The following ACACA variants were observed in gnomAD, a reference collection of about 807,000 sequenced individuals.
The protein encoded by ACACA is acetyl-CoA carboxylase alpha.
Under a neutral mutation model 296.1 loss-of-function variants are expected in ACACA, and 103 were observed. The observed-to-expected ratio is 0.35, with a 90% CI of 0.30 to 0.41. The LOEUF (loss-of-function observed/expected upper bound fraction) is 0.41. Ranked by LOEUF, ACACA falls within the 10% of genes least tolerant of loss-of-function variation. The pLI is 1.00. For synonymous variants in ACACA, 953 were observed against 1,038.6 expected, an observed-to-expected ratio of 0.92 and a Z score of 1.58; for missense variants, 1,554 against 2,989.7, an observed-to-expected ratio of 0.52 and a Z score of 11.20.
chr17:37,122,799 T>TA (rs2074592313), intron 48 of ACACA, 172 bp from the exon 49 acceptor site: 2 of 697,284 alleles, frequency 2.9e-6, no homozygotes, highest in African/African-American at 3.5e-5. Context: ...ATTTGATATT[T>TA]ACTCTCTAAA....
chr17:37,244,030 C>T (rs767572495), intron 21 of ACACA, among the ~76,000 whole-genome samples: 10 of 152,020 alleles, frequency 6.6e-5, no homozygotes, highest in Non-Finnish European at 1.0e-4. Flanking sequence ...GAAATTGCAA[C>T]GTAAGCATCT....
rs149967550 is a variant in ACACA at position 37,097,957 on chromosome 17, C to T, written c.6593G>A (p.Arg2198Gln). ...LGTPELSTAE[R>Q]KELENKLKER... ...CTTCAACTTGTTCTCCAACTCCTTCCGCTCAGCTGTGCTTAGCTCTGGGGT... is the reference window on the plus strand; with the variant it reads ...CTTCAACTTGTTCTCCAACTCCTTCTGCTCAGCTGTGCTTAGCTCTGGGGT... Residue 2198 changes from arginine (R) to glutamine (Q), a missense_variant, in exon 53 of 56, where the codon CGG (arginine) becomes CAG (glutamine). Transcript: ENST00000616317. The surrounding 1 kb of genome is among the most constrained non-coding windows in gnomAD (Gnocchi z 4.8). The T allele has an allele frequency of 1.3e-4, 206 of 1,614,070 alleles. No homozygotes were observed. Among genetic ancestry groups the T allele is most frequent in the Non-Finnish European group, 1.4e-4 (168 of 1,180,044 alleles).
rs568230953 is a variant in ACACA at position 37,363,830 on chromosome 17, AC to A, written c.39-23981del. Among the ~76,000 whole-genome samples the A allele has an allele frequency of 4.1e-3, 629 of 152,130 alleles. 3 individuals are homozygous for A. Among genetic ancestry groups the A allele is most frequent in the South Asian group, 0.033 (159 of 4,822 alleles). On this transcript the variant is annotated intron_variant, in intron 1 of 55. Coordinates refer to ENST00000616317, the MANE Select transcript of ACACA (RefSeq NM_198834.3). ...GTGAAACCCTGTCTCTAATAAAAAT[AC>A]AAAATTTGCGGCAGGGCACGGTGGC...
chr17:37,386,381 CA>C (rs2050530868), intron 1 of ACACA, among the ~76,000 whole-genome samples: 1 of 152,034 alleles, frequency 6.6e-6, no homozygotes, highest in African/African-American at 2.4e-5. Context: ...CACCTGTGGT[CA>C]GGAGTTCAAG....
At chr17:37,316,684 T>G (rs1179238175) in intron 3 of ACACA, among the ~76,000 whole-genome samples, 1 of 152,100 alleles carries the variant, frequency 6.6e-6, no homozygotes, top group Admixed American at 6.6e-5. Context: ...ACCCAGCAAT[T>G]CCACTACTGG....
At chr17:37,159,661 C>G (rs1409265124) in intron 42 of ACACA, among the ~76,000 whole-genome samples, 5 of 152,142 alleles carry the variant, frequency 3.3e-5, no homozygotes, top group Non-Finnish European at 7.4e-5. Flanking sequence ...TTTCTATGAA[C>G]TTTATTGAAA....
intron 43 of ACACA, 114 bp downstream of exon 43, chr17:37,155,569 T>C (rs1460411395): frequency 1.3e-6 from 1 of 782,262 alleles, no homozygotes; most frequent in Non-Finnish European, 2.3e-6. Flanking sequence ...AACATCTAGA[T>C]TATGTCATCT....
At chr17:37,281,662 C>A (rs951162789) in intron 5 of ACACA, among the ~76,000 whole-genome samples, 2 of 151,988 alleles carry the variant, frequency 1.3e-5, no homozygotes, top group African/African-American at 4.8e-5. Flanking sequence ...GGTCAAGATA[C>A]CGAGACCATC....
At chr17:37,247,374 C>CTTTTTTTTTTTTTTTTTTT (rs59972801) in intron 18 of ACACA, among the ~76,000 whole-genome samples, 1 of 145,634 alleles carries the variant, frequency 6.9e-6, no homozygotes, top group African/African-American at 2.6e-5. Context: ...TTGTGAATTT[C>CTTTTTTTTTTTTTTTTTTT]TTTTTTTTTT....
In ACACA at chr17:37,263,899, A is replaced by G. The variant is rs1256985676; in HGVS notation, c.1120-5T>C. On this transcript the variant is annotated splice_polypyrimidine_tract_variant and splice_region_variant and intron_variant, in intron 10 of 55. Coordinates refer to ENST00000616317, the MANE Select transcript of ACACA (RefSeq NM_198834.3). Reference sequence around the variant, plus strand: ...TCCAGGAACTTCAGCTTGAACCTGTATTAGAAAAGGGGGAAAAAAAAAACC... The same window carrying G: ...TCCAGGAACTTCAGCTTGAACCTGTGTTAGAAAAGGGGGAAAAAAAAAACC... 4 of 1,611,758 alleles carry G rather than the reference A, an allele frequency of 2.5e-6. No individual in the cohort carries two copies. The highest frequency in any genetic ancestry group is 3.4e-6 in the Non-Finnish European group (4 of 1,178,542).
rs770207225 is a variant in ACACA at position 37,161,773 on chromosome 17, G to C, written c.5349+8C>G. The C allele has an allele frequency of 1.9e-6, 3 of 1,608,652 alleles. No homozygotes were observed. The highest frequency in any genetic ancestry group is 2.5e-6 in the Non-Finnish European group (3 of 1,179,942). The stretch of plus-strand genomic sequence containing the variant: ...CACCTTGAAGTAGTATATGCTCTTA[G>C]TGTGTACCTTGTAAGGATCCTCAGG... On this transcript the variant is annotated splice_region_variant and intron_variant, in intron 42 of 55. Transcript: ENST00000616317.
intron 54 of ACACA, among the ~76,000 whole-genome samples, chr17:37,094,575 C>T (rs867065848): frequency 1.5e-5 from 1 of 68,868 alleles, no homozygotes; most frequent in Non-Finnish European, 2.6e-5. Flanking sequence ...AAGAACCACC[C>T]CCCCCCCCCC....
intron 41 of ACACA, chr17:37,162,473 G>A (rs1398183060): frequency 3.3e-6 from 1 of 306,318 alleles, no homozygotes; most frequent in Non-Finnish European, 6.2e-6. Context: ...ATTAGAGGTG[G>A]GGCCTGGTGT....
At chr17:37,090,594 A>G (rs918758645) in intron 54 of ACACA, among the ~76,000 whole-genome samples, 1 of 152,138 alleles carries the variant, frequency 6.6e-6, no homozygotes, top group Non-Finnish European at 1.5e-5. Context: ...GCATCTCTCA[A>G]GGCCAAACTG....
chr17:37,168,753 C>T (rs2076778152), intron 41 of ACACA, among the ~76,000 whole-genome samples: 1 of 152,074 alleles, frequency 6.6e-6, no homozygotes, highest in Non-Finnish European at 1.5e-5. Flanking sequence ...AAAAGAAATG[C>T]TCTGCAATGA....
chr17:37,392,537 G>T (rs2050926671), intron 1 of ACACA: 2 of 152,050 alleles, frequency 1.3e-5, no homozygotes, highest in African/African-American at 4.8e-5. Flanking sequence ...AGGTGAAAAA[G>T]GAAATGTCAG....
At chr17:37,108,404 T>TA (rs1351677162) in intron 52 of ACACA, among the ~76,000 whole-genome samples, 1 of 150,736 alleles carries the variant, frequency 6.6e-6, no homozygotes, top group African/African-American at 2.4e-5. Context: ...TTTTTTTTTT[T>TA]AAAGACAGGG....
At chr17:37,162,192 A>AC in intron 41 of ACACA, 142 bp from the exon 42 acceptor site, 1 of 863,812 alleles carries the variant, frequency 1.2e-6, no homozygotes, top group Non-Finnish European at 1.8e-6. Context: ...TCCCTGTGGG[A>AC]AACTACAAAA....
At chr17:37,101,086 G>GAAAAA (rs769214258) in intron 52 of ACACA, among the ~76,000 whole-genome samples, 1 of 56,368 alleles carries the variant, frequency 1.8e-5, no homozygotes, top group Non-Finnish European at 3.4e-5. Flanking sequence ...GACTGTCTCA[G>GAAAAA]AAAAAAAAAA....
Sources: gnomAD v4.1 joint callset for allele counts (sites outside exome capture counted in the v4.1 genomes callset) on GRCh38, gnomAD v4.1.1 for gene constraint, Gnocchi (gnomAD v3.1) non-coding constraint, MANE v1.5 for transcripts, NCBI Gene and HGNC (gene_info 2026-07-23, HGNC 2026-07-21) for gene names.